The following SHROOM3 variants were observed in gnomAD, a reference collection of about 807,000 sequenced individuals.
SHROOM3 encodes the protein protein Shroom3.
SHROOM3 carries 47 observed loss-of-function variants against 138.6 expected under a neutral mutation model. That is an observed-to-expected ratio of 0.34 (90% CI 0.27 to 0.43). SHROOM3 has a LOEUF of 0.43. Among genes scored for constraint, SHROOM3 ranks in the 20% least tolerant of loss-of-function variants. The pLI, the probability that SHROOM3 is intolerant of heterozygous loss-of-function variation, is 1.00. For missense variants in SHROOM3, 2,491 were observed against 2,596.5 expected, an observed-to-expected ratio of 0.96 and a Z score of 0.88; for synonymous variants, 1,062 against 1,063.3, an observed-to-expected ratio of 1.00 and a Z score of 0.02.
At position 76,755,154 on chromosome 4, in the gene SHROOM3, G is replaced by T. The variant is rs374194465; in HGVS notation, c.4671G>T (p.Ala1557=). The T allele has an allele frequency of 6.2e-7, 1 of 1,613,626 alleles. No individual in the cohort carries two copies. The highest frequency in any genetic ancestry group is 2.2e-5 in the East Asian group (1 of 44,842). Residue 1557 remains alanine, a synonymous_variant, in exon 7 of 11, where the codon GCG becomes GCT. Coordinates refer to ENST00000296043, the MANE Select transcript of SHROOM3 (RefSeq NM_020859.4). ...CTCCTCCCCACACTGTATGTGAGGC[G>T]CAGCTGGACAGTGAGGATCCCGAGG... ...PPPPPHTVCE[A]QLDSEDPEGP...
chr4:76,776,426 T>C (rs1722572490), intron 10 of SHROOM3, among the ~76,000 whole-genome samples: 1 of 152,264 alleles, frequency 6.6e-6, no homozygotes, highest in South Asian at 2.1e-4. Context: ...TTTATTTTGC[T>C]GTGCAAAAGC....
At chr4:76,568,952 T>C (rs1388943462) in intron 2 of SHROOM3, among the ~76,000 whole-genome samples, 3 of 152,206 alleles carry the variant, frequency 2.0e-5, no homozygotes, top group African/African-American at 7.2e-5. Context: ...CCACACTTCA[T>C]ATGGAGGTTG....
At position 76,754,656 on chromosome 4, in the gene SHROOM3, T is replaced by A; in HGVS notation, c.4173T>A (p.Gly1391=). The change falls in exon 7 of 11, where the codon GGT becomes GGA. Residue 1391 remains glycine, a synonymous_variant. Coordinates refer to ENST00000296043, the MANE Select transcript of SHROOM3 (RefSeq NM_020859.4). The part of the protein sequence containing the change: ...YTPAMMHRSN[G]HTLTQPPGPR... ...CTGCCATGATGCACAGAAGCAATGG[T>A]CACACCCTGACCCAGCCTCCCGGTC... 1 of 1,614,126 alleles carries A rather than the reference T, an allele frequency of 6.2e-7. No individual in the cohort carries two copies. The highest frequency in any genetic ancestry group is 8.5e-7 in the Non-Finnish European group (1 of 1,180,012).
chr4:76,507,983 T>C (rs13123845), intron 1 of SHROOM3, among the ~76,000 whole-genome samples: 45,196 of 152,132 alleles, frequency 0.3, 7,578 homozygotes, highest in African/African-American at 0.44. Context: ...CAGATACATG[T>C]TTTACAACAA....
intron 1 of SHROOM3, among the ~76,000 whole-genome samples, chr4:76,479,338 C>T (rs1472864014): frequency 6.6e-6 from 1 of 151,602 alleles, no homozygotes; most frequent in Non-Finnish European, 1.5e-5. Flanking sequence ...AGCATATACA[C>T]AAGTATCAAT....
intron 1 of SHROOM3, among the ~76,000 whole-genome samples, chr4:76,512,109 A>C (rs1024815898): frequency 3.3e-5 from 5 of 152,082 alleles, no homozygotes; most frequent in Non-Finnish European, 5.9e-5. Context: ...GACCTAAGAG[A>C]GGCAGTGGGA....
At chr4:76,689,050 G>A (rs961839544) in intron 2 of SHROOM3, 1 of 608,046 alleles carries the variant, frequency 1.6e-6, no homozygotes, top group Non-Finnish European at 2.1e-6. Flanking sequence ...CCTCTGAAAA[G>A]CGAGCGCGGG....
At chr4:76,654,468 A>G (rs552094840) in intron 2 of SHROOM3, among the ~76,000 whole-genome samples, 79 of 152,274 alleles carry the variant, frequency 5.2e-4, no homozygotes, top group African/African-American at 1.8e-3. Flanking sequence ...CTGGGACTAC[A>G]GGTGTGTGCC....
rs572828697 is a variant in SHROOM3 at position 76,564,688 on chromosome 4, G to A, written c.323+8925G>A. 3.9e-5 allele frequency among the ~76,000 whole-genome samples: 6 copies of A among 152,228 alleles called. No homozygotes were observed. The East Asian group carries it at 9.7e-4, about 24-fold the overall frequency. ...TTCAATGGGTTACATATGCTTACTGGCTATGCACTAAACACTAGCTTCATA... is the reference window on the plus strand; with the variant it reads ...TTCAATGGGTTACATATGCTTACTGACTATGCACTAAACACTAGCTTCATA... On this transcript the variant is annotated intron_variant, in intron 2 of 10. Transcript: ENST00000296043.
At chr4:76,436,492 A>G (rs1730567123) in intron 1 of SHROOM3, among the ~76,000 whole-genome samples, 1 of 152,212 alleles carries the variant, frequency 6.6e-6, no homozygotes, top group Non-Finnish European at 1.5e-5. Flanking sequence ...CAGTTACCAC[A>G]TGAGCTTTTC....
Position 76,462,589 on chromosome 4 carries a change from T to C in SHROOM3, c.168+26369T>C, listed in dbSNP as rs1285394480. 3.3e-5 allele frequency among the ~76,000 whole-genome samples: 5 copies of C among 152,108 alleles called. No individual in the cohort carries two copies. In the East Asian group the frequency reaches 5.8e-4, roughly 18 times the overall value. Reference sequence around the variant, plus strand: ...GTGACTGGATTATGGGGGTGGATTTTCCCCTTGCTGTTCTCATGATAGTGA... The same window carrying C: ...GTGACTGGATTATGGGGGTGGATTTCCCCCTTGCTGTTCTCATGATAGTGA... On this transcript the variant is annotated intron_variant, in intron 1 of 10. Coordinates refer to ENST00000296043, the MANE Select transcript of SHROOM3 (RefSeq NM_020859.4).
intron 2 of SHROOM3, among the ~76,000 whole-genome samples, chr4:76,681,827 A>G (rs1719209653): frequency 6.6e-6 from 1 of 151,016 alleles, no homozygotes; most frequent in Non-Finnish European, 1.5e-5. Context: ...GGTGGAAGGT[A>G]TAACACTCTC....
intron 3 of SHROOM3, among the ~76,000 whole-genome samples, chr4:76,729,586 T>C (rs1578000631): frequency 6.6e-6 from 1 of 152,232 alleles, no homozygotes; most frequent in East Asian, 1.9e-4. Flanking sequence ...AAAGTTATTT[T>C]AGATTAAGAT....
chr4:76,443,619 G>C (rs1409000047), intron 1 of SHROOM3, among the ~76,000 whole-genome samples: 1 of 152,106 alleles, frequency 6.6e-6, no homozygotes, highest in Non-Finnish European at 1.5e-5. Flanking sequence ...GACATCCCAG[G>C]CACTTCTCAA....
chr4:76,538,387 T>G (rs530840040), intron 1 of SHROOM3, among the ~76,000 whole-genome samples: 1 of 152,144 alleles, frequency 6.6e-6, no homozygotes, highest in African/African-American at 2.4e-5. Flanking sequence ...CCAAGATGGC[T>G]TGGAGGAGGA....
chr4:76,637,624 CGA>C (rs1735536682), intron 2 of SHROOM3: 1 of 151,968 alleles, frequency 6.6e-6, no homozygotes, highest in Admixed American at 6.5e-5. Context: ...CATCAGGCAA[CGA>C]GAGACTTGCT....
chr4:76,703,663 G>GA (rs1277400163), intron 2 of SHROOM3, among the ~76,000 whole-genome samples: 2 of 152,196 alleles, frequency 1.3e-5, no homozygotes, highest in African/African-American at 2.4e-5. Flanking sequence ...GGAGAAGGGG[G>GA]ATGACAGGAT....
chr4:76,532,859 T>A (rs1231621479), intron 1 of SHROOM3, among the ~76,000 whole-genome samples: 1 of 152,156 alleles, frequency 6.6e-6, no homozygotes, highest in Non-Finnish European at 1.5e-5. Context: ...ATTGCCAGCA[T>A]CACTACTCCT....
chr4:76,457,784 C>T (rs1287862296), intron 1 of SHROOM3, among the ~76,000 whole-genome samples: 3 of 151,322 alleles, frequency 2.0e-5, no homozygotes, highest in Non-Finnish European at 4.4e-5. Flanking sequence ...GCCACCGAGC[C>T]TGGCTTTTCT....
Sources: allele counts gnomAD v4.1 joint callset (sites outside exome capture counted in the v4.1 genomes callset), GRCh38; gene constraint gnomAD v4.1.1; transcripts MANE v1.5; gene names NCBI Gene and HGNC (gene_info 2026-07-23, HGNC 2026-07-21).